Variants in CTNNA3 observed in about 807,000 individuals in gnomAD.
The protein encoded by CTNNA3 is catenin alpha-3.
Under a neutral mutation model 95.7 loss-of-function variants are expected in CTNNA3, and 76 were observed. That is an observed-to-expected ratio of 0.79 (90% CI 0.66 to 0.96). The LOEUF (loss-of-function observed/expected upper bound fraction) is 0.96. CTNNA3 is among the 40% of genes least tolerant of loss of function. CTNNA3 has a pLI of 0.00. For synonymous variants in CTNNA3, 431 were observed against 374.4 expected (o/e 1.15, Z -1.74); for missense variants, 1,191 against 1,089.8 (o/e 1.09, Z -1.31).
chr10:67,391,160 T>C (rs201789739), intron 5 of CTNNA3, among the ~76,000 whole-genome samples: 1 of 152,156 alleles, frequency 6.6e-6, no homozygotes, highest in African/African-American at 2.4e-5. Flanking sequence ...GAAACCCCAT[T>C]GTCTCAGCCC....
At chr10:67,097,653 G>T (rs1452938023) in intron 7 of CTNNA3, 2 of 1,612,586 alleles carry the variant, frequency 1.2e-6, no homozygotes, top group Admixed American at 1.7e-5. Flanking sequence ...TTACTGTGGG[G>T]TGCATCATGA....
intron 10 of CTNNA3, among the ~76,000 whole-genome samples, chr10:66,599,883 A>G (rs1184822181): frequency 6.6e-6 from 1 of 152,020 alleles, no homozygotes; most frequent in Non-Finnish European, 1.5e-5. Context: ...GAGACAGAGT[A>G]AGTGTACATT....
intron 7 of CTNNA3, among the ~76,000 whole-genome samples, chr10:66,846,947 T>C (rs1843304873): frequency 6.6e-6 from 1 of 152,180 alleles, no homozygotes; most frequent in Non-Finnish European, 1.5e-5. Context: ...GCTTTCAAAA[T>C]CATGTTTTCC....
intron 7 of CTNNA3, among the ~76,000 whole-genome samples, chr10:67,012,773 TG>T (rs1564831035): frequency 2.0e-5 from 3 of 152,160 alleles, no homozygotes; most frequent in Admixed American, 6.6e-5. Context: ...TCAAGATTTT[TG>T]TTGGAATTCA....
At chr10:67,646,422 A>C (rs1167661052) in intron 2 of CTNNA3, among the ~76,000 whole-genome samples, 1 of 152,044 alleles carries the variant, frequency 6.6e-6, no homozygotes, top group Non-Finnish European at 1.5e-5. Context: ...TAGTGCCGTT[A>C]AGACTGCCAA....
At chr10:67,738,846 T>C (rs1287561786) in intron 1 of CTNNA3, among the ~76,000 whole-genome samples, 2 of 151,938 alleles carry the variant, frequency 1.3e-5, no homozygotes, top group Non-Finnish European at 2.9e-5. Flanking sequence ...GTATCAGTGA[T>C]GGAAGATGAA....
At chr10:66,989,305 A>C (rs1400405936) in intron 7 of CTNNA3, among the ~76,000 whole-genome samples, 1 of 152,202 alleles carries the variant, frequency 6.6e-6, no homozygotes, top group Admixed American at 6.5e-5. Flanking sequence ...TCACATATTT[A>C]ATATATGTCA....
chr10:67,617,063 A>G (rs1168456116), intron 2 of CTNNA3, among the ~76,000 whole-genome samples: 2 of 152,198 alleles, frequency 1.3e-5, no homozygotes, highest in Non-Finnish European at 2.9e-5. Context: ...GAACATTACT[A>G]TTATTTAGAG....
At chr10:66,599,050 T>C (rs1442466224) in intron 10 of CTNNA3, among the ~76,000 whole-genome samples, 4 of 151,960 alleles carry the variant, frequency 2.6e-5, no homozygotes, top group Admixed American at 6.6e-5. Context: ...AACAGACACA[T>C]AGACCAATGG....
At chr10:67,160,232 G>A (rs147332385) in intron 7 of CTNNA3, among the ~76,000 whole-genome samples, 2 of 152,056 alleles carry the variant, frequency 1.3e-5, no homozygotes, top group East Asian at 3.9e-4. Context: ...ATATTGAGGA[G>A]GATGTGAAGG....
intron 17 of CTNNA3, among the ~76,000 whole-genome samples, chr10:65,928,333 T>C (rs924591437): frequency 6.6e-6 from 1 of 152,206 alleles, no homozygotes; most frequent in Non-Finnish European, 1.5e-5. Flanking sequence ...TTCATTTCTA[T>C]GTCTATCTTT....
chr10:66,382,144 A>G lies in CTNNA3; in HGVS notation c.1532-2792T>C, dbSNP rs185556826. The stretch of plus-strand genomic sequence containing the variant: ...GGACAGGGTGTTGCCTCACCCGGGA[A>G]GCACAAGGGGTCAGCGGATTTCCCT... On this transcript the variant is annotated intron_variant, in intron 11 of 17. Coordinates refer to ENST00000433211, the MANE Select transcript of CTNNA3 (RefSeq NM_013266.4). Among the ~76,000 whole-genome samples the G allele has an allele frequency of 1.5e-3, 231 of 152,236 alleles. 1 individual carries two copies. The highest frequency in any genetic ancestry group is 5.4e-3 in the African/African-American group (225 of 41,566).
intron 9 of CTNNA3, among the ~76,000 whole-genome samples, chr10:66,631,726 A>G (rs968313693): frequency 4.6e-5 from 7 of 151,400 alleles, no homozygotes; most frequent in Admixed American, 2.0e-4. Flanking sequence ...GTTAATCAAT[A>G]TTTTACTCAA....
Position 66,042,756 on chromosome 10 carries a change from C to T in CTNNA3, c.2159+26552G>A, listed in dbSNP as rs557680365. Among the ~76,000 whole-genome samples, 192 of 150,850 alleles carry T rather than the reference C, an allele frequency of 1.3e-3. 2 individuals carry two copies. Among genetic ancestry groups the T allele is most frequent in the African/African-American group, 4.3e-3 (175 of 41,070 alleles). ...CTCTAGTAGAAATAAAAAAATTAGC[C>T]AGGTGTGGTGGTGCATGCCTGTAAT... On this transcript the variant is annotated intron_variant, in intron 15 of 17. Transcript: ENST00000433211.
At chr10:67,544,927 C>A (rs1206635937) in intron 3 of CTNNA3, among the ~76,000 whole-genome samples, 2 of 152,114 alleles carry the variant, frequency 1.3e-5, no homozygotes, top group Admixed American at 1.3e-4. Context: ...AAGGCAACAG[C>A]AGACTAGCAT....
At chr10:66,160,170 A>G (rs2084766866) in intron 13 of CTNNA3, among the ~76,000 whole-genome samples, 2 of 151,544 alleles carry the variant, frequency 1.3e-5, no homozygotes, top group Non-Finnish European at 2.9e-5. Flanking sequence ...GTTTGTTTCA[A>G]TTTCATTTAG....
At chr10:66,065,241 T>G (rs2080290039) in intron 15 of CTNNA3, among the ~76,000 whole-genome samples, 1 of 87,312 alleles carries the variant, frequency 1.1e-5, no homozygotes, top group South Asian at 3.0e-4. Flanking sequence ...TTTTTTTTTG[T>G]TTTGTTTTGT....
chr10:66,829,397 G>C (rs1336329342), intron 7 of CTNNA3, among the ~76,000 whole-genome samples: 1 of 152,026 alleles, frequency 6.6e-6, no homozygotes, highest in South Asian at 2.1e-4. Flanking sequence ...GATCACTTTA[G>C]GTCAGGAGTG....
At chr10:67,312,497 A>C (rs1476373826) in intron 5 of CTNNA3, among the ~76,000 whole-genome samples, 1 of 152,216 alleles carries the variant, frequency 6.6e-6, no homozygotes. Flanking sequence ...AAAATTCTAC[A>C]CAGAGGGAGG....
Sources: allele counts gnomAD v4.1 joint callset (sites outside exome capture counted in the v4.1 genomes callset), GRCh38; gene constraint gnomAD v4.1.1; transcripts MANE v1.5; gene names NCBI Gene and HGNC (gene_info 2026-07-23, HGNC 2026-07-21).